CTNNA3: variants seen among roughly 807,000 people sequenced by gnomAD.
CTNNA3 encodes the protein catenin alpha 3.
CTNNA3 carries 76 observed loss-of-function variants against 95.7 expected under a neutral mutation model. The ratio of observed to expected loss-of-function variants is 0.79; its 90% CI spans 0.66 to 0.96. The LOEUF (loss-of-function observed/expected upper bound fraction) is 0.96, where lower values mean the gene tolerates loss of function less well. Ranked by LOEUF, CTNNA3 falls within the 40% of genes least tolerant of loss-of-function variation. The pLI is 0.00. For synonymous variants in CTNNA3, 431 were observed against 374.4 expected (o/e 1.15, Z -1.74); for missense variants, 1,191 against 1,089.8 (o/e 1.09, Z -1.31).
chr10:66,226,238 A>T lies in CTNNA3; in HGVS notation c.1884+54232T>A, dbSNP rs79934338. On this transcript the variant is annotated intron_variant, in intron 13 of 17. Coordinates refer to ENST00000433211, the MANE Select transcript of CTNNA3 (RefSeq NM_013266.4). ...TGAGTTGATTTCTGTATATAGTGAG[A>T]GATAGAGATCTAGTTTCATTCTTCC... 7.2e-3 allele frequency among the ~76,000 whole-genome samples: 1,089 copies of T among 152,210 alleles called. 8 individuals carry two copies. The highest frequency in any genetic ancestry group is 0.025 in the African/African-American group (1,024 of 41,548).
rs1229344559 is a variant in CTNNA3, at chr10:67,188,578, CA to C, written c.844-8059del. 3.3e-5 allele frequency among the ~76,000 whole-genome samples: 5 copies of C among 152,220 alleles called. No homozygotes were observed. The East Asian group carries it at 7.7e-4, about 24-fold the overall frequency. ...AAATTGATACAGCTATCATGAAAAACAGCTGGAGGTTCCTTAAAAAATTGAA... is the reference window on the plus strand; with the variant it reads ...AAATTGATACAGCTATCATGAAAAACGCTGGAGGTTCCTTAAAAAATTGAA... On this transcript the variant is annotated intron_variant, in intron 6 of 17. Transcript: ENST00000433211.
intron 5 of CTNNA3, among the ~76,000 whole-genome samples, chr10:67,507,747 AAG>A (rs1468604894): frequency 6.6e-6 from 1 of 152,140 alleles, no homozygotes; most frequent in African/African-American, 2.4e-5. Context: ...CCTGACACCA[AAG>A]CCAGACAAGG....
intron 14 of CTNNA3, among the ~76,000 whole-genome samples, chr10:66,070,252 G>C (rs1420039098): frequency 6.6e-6 from 1 of 152,146 alleles, no homozygotes; most frequent in Non-Finnish European, 1.5e-5. Flanking sequence ...TTGTAAGAGA[G>C]GAGCAACTTT....
intron 17 of CTNNA3, among the ~76,000 whole-genome samples, chr10:65,948,607 C>T (rs2077561486): frequency 6.6e-6 from 1 of 152,040 alleles, no homozygotes; most frequent in African/African-American, 2.4e-5. Context: ...ATTATTACCA[C>T]AAATCCGTGC....
chr10:66,920,950 C>T (rs1564767673), intron 7 of CTNNA3, among the ~76,000 whole-genome samples: 1 of 152,198 alleles, frequency 6.6e-6, no homozygotes, highest in Non-Finnish European at 1.5e-5. Context: ...CATCTATCTC[C>T]TGGATTGATA....
At chr10:67,552,013 C>T (rs185286770) in intron 3 of CTNNA3, among the ~76,000 whole-genome samples, 1 of 152,290 alleles carries the variant, frequency 6.6e-6, no homozygotes, top group East Asian at 1.9e-4. Context: ...ATAAGAGTTG[C>T]TAATTCTTTC....
chr10:66,824,874 T>A (rs1842440045), intron 7 of CTNNA3, among the ~76,000 whole-genome samples: 1 of 152,018 alleles, frequency 6.6e-6, no homozygotes, highest in South Asian at 2.1e-4. Flanking sequence ...ACTAAGAAAA[T>A]CCAAATGAAG....
At position 67,425,439 on chromosome 10, in the gene CTNNA3, T is replaced by C. The variant is rs866057520; in HGVS notation, c.579+96403A>G. Among the ~76,000 whole-genome samples the C allele has an allele frequency of 2.6e-5, 4 of 151,828 alleles. No homozygotes were observed. In the South Asian group the frequency reaches 6.2e-4, roughly 24 times the overall value. On this transcript the variant is annotated intron_variant, in intron 5 of 17. Coordinates refer to ENST00000433211, the MANE Select transcript of CTNNA3 (RefSeq NM_013266.4). ...AAGAGATGGGTGATCAGGCAGAAAATAGGAAATTATTAATTCCATACAAAG... is the reference window on the plus strand; with the variant it reads ...AAGAGATGGGTGATCAGGCAGAAAACAGGAAATTATTAATTCCATACAAAG...
chr10:67,466,402 C>A (rs2133011590), intron 5 of CTNNA3, among the ~76,000 whole-genome samples: 1 of 152,288 alleles, frequency 6.6e-6, no homozygotes. Context: ...AATGAAGTAG[C>A]AATACTGTGG....
At chr10:66,558,506 AGTACTTTT>A (rs1842457354) in intron 10 of CTNNA3, among the ~76,000 whole-genome samples, 3 of 152,146 alleles carry the variant, frequency 2.0e-5, no homozygotes, top group Non-Finnish European at 4.4e-5. Context: ...AAATTTAAGT[AGTACTTTT>A]GTCTTATAAT....
At chr10:67,014,923 T>C (rs1419099893) in intron 7 of CTNNA3, among the ~76,000 whole-genome samples, 3 of 152,126 alleles carry the variant, frequency 2.0e-5, no homozygotes, top group African/African-American at 7.2e-5. Flanking sequence ...ATTTTAATAT[T>C]TAAATGTTAT....
chr10:66,757,815 A>C (rs563195808), intron 9 of CTNNA3, among the ~76,000 whole-genome samples: 44 of 152,278 alleles, frequency 2.9e-4, no homozygotes, highest in Middle Eastern at 3.4e-3. Flanking sequence ...CATTGATAGA[A>C]CTGAGCTGAT....
intron 5 of CTNNA3, among the ~76,000 whole-genome samples, chr10:67,333,588 T>C (rs1487053006): frequency 6.6e-6 from 1 of 152,140 alleles, no homozygotes; most frequent in Non-Finnish European, 1.5e-5. Context: ...CTCAGAAACC[T>C]GAAGATTAGA....
At chr10:67,702,290 C>A (rs1481003162) in intron 1 of CTNNA3, among the ~76,000 whole-genome samples, 3 of 152,134 alleles carry the variant, frequency 2.0e-5, no homozygotes, top group Non-Finnish European at 4.4e-5. Context: ...TAGACATCTA[C>A]AGAACTCTCC....
Position 67,480,905 on chromosome 10 carries a change from T to C in CTNNA3, c.579+40937A>G, listed in dbSNP as rs543328911. On this transcript the variant is annotated intron_variant, in intron 5 of 17. Transcript: ENST00000433211. ...TCCAGTAGCACATCAAAAAGTTAAT[T>C]CACCATAATCATGTAAGCTTTATTC... is the stretch of plus-strand genomic sequence containing the variant. Among the ~76,000 whole-genome samples the C allele has an allele frequency of 4.0e-4, 61 of 152,206 alleles. No homozygotes were observed. In the South Asian group the frequency reaches 0.012, roughly 31 times the overall value.
intron 9 of CTNNA3, among the ~76,000 whole-genome samples, chr10:66,666,495 A>G (rs944680613): frequency 6.6e-6 from 1 of 152,162 alleles, no homozygotes; most frequent in Admixed American, 6.6e-5. Flanking sequence ...CTTTTGTCAT[A>G]TAAGAGTCTC....
chr10:67,445,537 C>T (rs551746175), intron 5 of CTNNA3, among the ~76,000 whole-genome samples: 23 of 152,142 alleles, frequency 1.5e-4, no homozygotes, highest in Middle Eastern at 3.4e-3. Flanking sequence ...AACATTAATC[C>T]ATTTAAGAAG....
intron 17 of CTNNA3, among the ~76,000 whole-genome samples, chr10:65,958,400 G>A (rs191025143): frequency 3.0e-3 from 455 of 152,236 alleles, no homozygotes; most frequent in African/African-American, 9.2e-3. Flanking sequence ...ACTCGTCAAA[G>A]TCATTCCCCG....
At chr10:66,348,696 C>T (rs1165493178) in intron 12 of CTNNA3, among the ~76,000 whole-genome samples, 1 of 152,034 alleles carries the variant, frequency 6.6e-6, no homozygotes, top group Non-Finnish European at 1.5e-5. Flanking sequence ...ATCAATCTTG[C>T]CTCCTACACC....
Sources: allele counts gnomAD v4.1 joint callset (sites outside exome capture counted in the v4.1 genomes callset), GRCh38; gene constraint gnomAD v4.1.1; transcripts MANE v1.5; gene names NCBI Gene and HGNC (gene_info 2026-07-23, HGNC 2026-07-21).